The following SNX24 variants were observed in gnomAD, a reference collection of about 807,000 sequenced individuals.
SNX24 encodes the protein sorting nexin-24.
A neutral mutation model predicts 28.7 loss-of-function variants in SNX24; 22 were observed. The observed-to-expected ratio is 0.77, with a 90% confidence interval of 0.55 to 1.10. The LOEUF (loss-of-function observed/expected upper bound fraction) is 1.10. Among genes scored for constraint, SNX24 ranks in the 50% least tolerant of loss-of-function variants. The pLI is 0.00. For missense variants in SNX24, 221 were observed against 201.1 expected (o/e 1.10, Z -0.60); for synonymous variants, 69 against 71.5 (o/e 0.96, Z 0.18).
intron 1 of SNX24, among the ~76,000 whole-genome samples, chr5:122,889,491 G>A (rs1756856561): frequency 6.6e-6 from 1 of 151,746 alleles, no homozygotes; most frequent in Admixed American, 6.6e-5. Flanking sequence ...TCAGATTAGG[G>A]ATACTCAACC....
intron 6 of SNX24, among the ~76,000 whole-genome samples, chr5:123,005,814 G>A (rs2150179789): frequency 6.6e-6 from 1 of 152,148 alleles, no homozygotes; most frequent in African/African-American, 2.4e-5. Context: ...TTTTTATTGG[G>A]CTCTAAATAT....
At chr5:122,862,217 TC>T (rs1755491214) in intron 1 of SNX24, among the ~76,000 whole-genome samples, 1 of 151,956 alleles carries the variant, frequency 6.6e-6, no homozygotes, top group African/African-American at 2.4e-5. Flanking sequence ...GGACTGAAGA[TC>T]CCCAGCTAAA....
rs192598762 is a variant in SNX24 at position 122,851,104 on chromosome 5, C to T, written c.60+5411C>T. 5.3e-5 allele frequency among the ~76,000 whole-genome samples: 8 copies of T among 152,250 alleles called. No homozygotes were observed. The East Asian group carries it at 1.5e-3, about 29-fold the overall frequency. On this transcript the variant is annotated intron_variant, in intron 1 of 6. Transcript: ENST00000261369. ...TACATTGTTGACAAAAATAACAAAACTAGAATTACTACTTAGGTCACAATA... is the reference window on the plus strand; with the variant it reads ...TACATTGTTGACAAAAATAACAAAATTAGAATTACTACTTAGGTCACAATA...
At chr5:123,010,576 C>T (rs753785601), downstream of SNX24, among the ~76,000 whole-genome samples, 3 of 152,048 alleles carry the variant, frequency 2.0e-5, no homozygotes, top group Non-Finnish European at 4.4e-5. Context: ...CATGAGCCAC[C>T]GTGCCCAGCC....
intron 5 of SNX24, chr5:123,025,802 T>G (rs1251090243): frequency 6.2e-7 from 1 of 1,613,264 alleles, no homozygotes; most frequent in East Asian, 2.2e-5. Flanking sequence ...CAATGACTTT[T>G]CCAAACACCA....
At chr5:122,902,123 G>GT (rs1252042787) in intron 1 of SNX24, among the ~76,000 whole-genome samples, 5 of 152,078 alleles carry the variant, frequency 3.3e-5, no homozygotes, top group African/African-American at 4.8e-5. Flanking sequence ...ACTCCTCCTT[G>GT]TTCACCCATC....
At chr5:122,918,857 G>A (rs173481) in intron 1 of SNX24, among the ~76,000 whole-genome samples, 123,580 of 152,146 alleles carry the variant, frequency 0.81, 51,080 homozygotes, top group East Asian at 0.99. Flanking sequence ...TAAAGTTTAA[G>A]TGAGGGCTAA....
intron 3 of SNX24, among the ~76,000 whole-genome samples, chr5:122,994,356 C>T (rs966829313): frequency 2.0e-5 from 3 of 152,154 alleles, no homozygotes; most frequent in Admixed American, 6.5e-5. Context: ...CCTTGTCGGA[C>T]GGCGTTATCC....
Position 123,008,721 on chromosome 5 carries a change from G to T in SNX24, c.*972G>T, listed in dbSNP as rs2150182186. 1 of 342,112 alleles carries T rather than the reference G, an allele frequency of 2.9e-6. No homozygotes were observed. The highest frequency in any genetic ancestry group is 6.4e-5 in the Admixed American group (1 of 15,514). The allele number at this position is 342,112 out of a possible 1,614,324, so 21.2% of individuals were successfully genotyped here. ...AAGGGTGTGCATTCATTTTAGGTGG[G>T]ATCGCCACAGGATTTCATGTTATTT... On this transcript the variant is annotated 3_prime_UTR_variant, in exon 7 of 7. Transcript: ENST00000261369.
At chr5:123,010,775 A>G (rs1762558871), downstream of SNX24, among the ~76,000 whole-genome samples, 1 of 152,180 alleles carries the variant, frequency 6.6e-6, no homozygotes, top group African/African-American at 2.4e-5. Context: ...ACAAGCAGAT[A>G]TTGTATGTTT....
intron 3 of SNX24, among the ~76,000 whole-genome samples, chr5:122,947,382 C>A (rs1300863748): frequency 6.6e-6 from 1 of 152,142 alleles, no homozygotes; most frequent in Non-Finnish European, 1.5e-5. Context: ...AGAGGACTAT[C>A]TCTCAGTAGA....
In SNX24 at chr5:123,008,519, A is replaced by C. The variant is rs1369917492; in HGVS notation, c.*770A>C. On this transcript the variant is annotated 3_prime_UTR_variant, in exon 7 of 7. Transcript: ENST00000261369. ...AGACTGTTTCTTTGTTTGAAGACCA[A>C]GTGAAGTTGTTGGTGTTTGTTTAGG... 1 of 156,468 alleles carries C rather than the reference A, an allele frequency of 6.4e-6. No homozygotes were observed. The highest frequency in any genetic ancestry group is 1.4e-5 in the Non-Finnish European group (1 of 72,740). The allele number at this position is 156,468 out of a possible 1,614,324, so 9.7% of individuals were successfully genotyped here. A position where few individuals can be genotyped will look rare whatever the true frequency, so the allele number is the denominator to read the frequency against.
At chr5:122,996,769 G>A (rs1439179289) in intron 3 of SNX24, among the ~76,000 whole-genome samples, 1 of 152,126 alleles carries the variant, frequency 6.6e-6, no homozygotes, top group Admixed American at 6.5e-5. Flanking sequence ...GAATGAAAGC[G>A]ATTAACCATT....
intron 1 of SNX24, among the ~76,000 whole-genome samples, chr5:122,877,168 G>C (rs1581696487): frequency 6.6e-6 from 1 of 152,080 alleles, no homozygotes. Flanking sequence ...TTCAGGGGAG[G>C]GGTGGAGATG....
intron 1 of SNX24, among the ~76,000 whole-genome samples, chr5:122,924,469 G>A (rs1332049757): frequency 2.0e-5 from 3 of 152,096 alleles, no homozygotes; most frequent in African/African-American, 4.8e-5. Context: ...GGCTGGGACC[G>A]GGCAAGACAC....
chr5:122,988,963 A>AT, intron 3 of SNX24, among the ~76,000 whole-genome samples: 1 of 152,062 alleles, frequency 6.6e-6, no homozygotes, highest in South Asian at 2.1e-4. Flanking sequence ...TATCAACGTT[A>AT]TTTTTTCTTT....
At chr5:122,970,093 C>G (rs995675626) in intron 3 of SNX24, among the ~76,000 whole-genome samples, 9 of 151,452 alleles carry the variant, frequency 5.9e-5, no homozygotes, top group African/African-American at 2.2e-4. Context: ...TTGTTGTTTA[C>G]TGCTTTTTTC....
chr5:122,970,032 A>G (rs894991603), intron 3 of SNX24, among the ~76,000 whole-genome samples: 3 of 151,826 alleles, frequency 2.0e-5, no homozygotes, highest in Admixed American at 2.0e-4. Flanking sequence ...CCTGGAAGCT[A>G]TTTGTGATTA....
intron 6 of SNX24, among the ~76,000 whole-genome samples, chr5:123,003,128 G>A (rs1291394912): frequency 1.3e-5 from 2 of 152,128 alleles, no homozygotes; most frequent in African/African-American, 4.8e-5. Flanking sequence ...AGGAGAAAGG[G>A]AACTGCTCTC....
Sources: allele counts gnomAD v4.1 joint callset (sites outside exome capture counted in the v4.1 genomes callset), GRCh38; gene constraint gnomAD v4.1.1; transcripts MANE v1.5; gene names NCBI Gene and HGNC (gene_info 2026-07-23, HGNC 2026-07-21).